TMEFF1: variants seen among roughly 807,000 people sequenced by gnomAD.
TMEFF1 encodes the protein tomoregulin-1.
A neutral mutation model predicts 47.5 loss-of-function variants in TMEFF1; 20 were observed. The observed-to-expected ratio is 0.42, with a 90% CI of 0.30 to 0.61. TMEFF1 has a LOEUF of 0.61. TMEFF1 is among the 20% of genes least tolerant of loss of function. The pLI is 0.19. For missense variants in TMEFF1, 411 were observed against 471.1 expected, an observed-to-expected ratio of 0.87 and a Z score of 1.18; for synonymous variants, 162 against 166.3, an observed-to-expected ratio of 0.97 and a Z score of 0.20.
At position 100,497,320 on chromosome 9, in the gene TMEFF1, C is replaced by CTTTT. The variant is rs752427622; in HGVS notation, c.197-1424_197-1421dup. ...TCTTGCTTTAAGTTTCCACTCATGT[C>CTTTT]TTTTTTTTTTTTTTTTTTTTTTTTG... is the stretch of plus-strand genomic sequence containing the variant. On this transcript the variant is annotated intron_variant, in intron 1 of 9. Transcript: ENST00000374879. 2.9e-3 allele frequency among the ~76,000 whole-genome samples: 173 copies of CTTTT among 59,432 alleles called. 5 individuals are homozygous for CTTTT. The highest frequency in any genetic ancestry group is 0.014 in the Middle Eastern group (1 of 72). 39.0% of individuals were successfully genotyped at this position (59,432 alleles called of 152,430 possible).
At chr9:100,560,141 T>C (rs1838987365) in intron 7 of TMEFF1, among the ~76,000 whole-genome samples, 1 of 152,196 alleles carries the variant, frequency 6.6e-6, no homozygotes, top group South Asian at 2.1e-4. Context: ...AAAAATTTTA[T>C]TAATACCTTT....
Position 100,550,091 on chromosome 9 carries a change from A to G in TMEFF1, c.710-4A>G, listed in dbSNP as rs761328589. 5 of 1,608,846 alleles carry G rather than the reference A, an allele frequency of 3.1e-6. No homozygotes were observed. In the Admixed American group the frequency reaches 8.5e-5, roughly 27 times the overall value. On this transcript the variant is annotated splice_polypyrimidine_tract_variant and splice_region_variant and intron_variant, in intron 6 of 9. Transcript: ENST00000374879. ...TTTAATTTGAAAACCGTCTTCTCTT[A>G]CAGATACAGATGACACTAGTTTGTT...
intron 6 of TMEFF1, 99 bp from the exon 7 acceptor site, chr9:100,549,996 G>A: frequency 3.6e-6 from 5 of 1,397,932 alleles, no homozygotes; most frequent in South Asian, 1.5e-5. Context: ...AGGGGGCAGA[G>A]GTTAAGAAGA....
At position 100,490,262 on chromosome 9, in the gene TMEFF1, T is replaced by C. The variant is rs545020142; in HGVS notation, c.197-8503T>C. ...GCTTTTGGTTTTGTATCATAAAATA[T>C]TAGGTAAAGTTTCTTTTTCCTCCTC... On this transcript the variant is annotated intron_variant, in intron 1 of 9. Coordinates refer to ENST00000374879, the MANE Select transcript of TMEFF1 (RefSeq NM_003692.5). 5.3e-5 allele frequency among the ~76,000 whole-genome samples: 8 copies of C among 152,332 alleles called. No individual in the cohort carries two copies. In the South Asian group the frequency reaches 1.4e-3, roughly 28 times the overall value.
chr9:100,561,356 T>C, intron 7 of TMEFF1, 41 bp from the exon 8 acceptor site: 1 of 1,591,656 alleles, frequency 6.3e-7, no homozygotes, highest in South Asian at 1.1e-5. Flanking sequence ...TTTTTCAGCT[T>C]GCGTTTCATT....
At chr9:100,506,382 T>C (rs1837861633) in intron 2 of TMEFF1, among the ~76,000 whole-genome samples, 2 of 152,160 alleles carry the variant, frequency 1.3e-5, no homozygotes, top group African/African-American at 4.8e-5. Context: ...TAAATATACT[T>C]TATTTTCTTG....
intron 5 of TMEFF1, among the ~76,000 whole-genome samples, chr9:100,534,943 A>AT (rs1838474351): frequency 6.6e-6 from 1 of 152,100 alleles, no homozygotes; most frequent in Middle Eastern, 3.4e-3. Flanking sequence ...GGTGGGCAAA[A>AT]TTTTTTTGTA....
intron 1 of TMEFF1, among the ~76,000 whole-genome samples, chr9:100,478,413 T>C (rs1432685868): frequency 2.0e-5 from 3 of 152,204 alleles, no homozygotes; most frequent in African/African-American, 7.2e-5. Flanking sequence ...CTCAGCTTCT[T>C]GGGCTCAGGT....
intron 1 of TMEFF1, among the ~76,000 whole-genome samples, chr9:100,482,177 C>G (rs1280617922): frequency 6.6e-6 from 1 of 150,970 alleles, no homozygotes; most frequent in Non-Finnish European, 1.5e-5. Flanking sequence ...TCTTCTTCTT[C>G]TTTTCTTTTC....
At chr9:100,509,402 C>G (rs960595914) in intron 3 of TMEFF1, among the ~76,000 whole-genome samples, 4 of 151,980 alleles carry the variant, frequency 2.6e-5, no homozygotes, top group African/African-American at 9.7e-5. Context: ...ATGTCCTTTG[C>G]CTTATGATTT....
At position 100,567,357 on chromosome 9, in the gene TMEFF1, G is replaced by A. The variant is rs571058205; in HGVS notation, c.900-5161G>A. On this transcript the variant is annotated intron_variant, in intron 8 of 9. Transcript: ENST00000374879. ...TACCCGGATTGCCTTATTTAAAATT[G>A]CAACCCTCCCTTCCTGCAACTTTCC... Among the ~76,000 whole-genome samples the A allele has an allele frequency of 1.8e-4, 28 of 152,254 alleles. No individual in the cohort carries two copies. In the East Asian group the frequency reaches 5.2e-3, roughly 28 times the overall value.
intron 8 of TMEFF1, among the ~76,000 whole-genome samples, chr9:100,569,703 A>G (rs1391662073): frequency 2.0e-5 from 3 of 152,188 alleles, no homozygotes; most frequent in Non-Finnish European, 4.4e-5. Flanking sequence ...TATACATATT[A>G]TGTACATCAT....
At chr9:100,480,264 G>A (rs1247156433) in intron 1 of TMEFF1, among the ~76,000 whole-genome samples, 1 of 152,144 alleles carries the variant, frequency 6.6e-6, no homozygotes, top group Non-Finnish European at 1.5e-5. Flanking sequence ...AGTTCCCACA[G>A]CAAGCACAGA....
intron 5 of TMEFF1, among the ~76,000 whole-genome samples, chr9:100,524,675 A>G (rs948085316): frequency 4.0e-5 from 6 of 151,552 alleles, no homozygotes; most frequent in African/African-American, 1.5e-4. Flanking sequence ...GAGTATGTCA[A>G]TTAACTGAGT....
At chr9:100,481,498 G>A (rs1302376324) in intron 1 of TMEFF1, among the ~76,000 whole-genome samples, 2 of 152,154 alleles carry the variant, frequency 1.3e-5, no homozygotes, top group East Asian at 1.9e-4. Flanking sequence ...GAGTCTTTTC[G>A]AAATACTAAA....
At chr9:100,531,625 G>A (rs867706393) in intron 5 of TMEFF1, among the ~76,000 whole-genome samples, 1 of 152,180 alleles carries the variant, frequency 6.6e-6, no homozygotes, top group East Asian at 1.9e-4. Context: ...ATGCTCATGG[G>A]TAGGAAGAAT....
intron 1 of TMEFF1, among the ~76,000 whole-genome samples, chr9:100,476,594 T>C (rs1239794620): frequency 7.3e-5 from 11 of 151,648 alleles, no homozygotes; most frequent in Admixed American, 7.2e-4. Context: ...GGTTTCACAA[T>C]GTTGGCCAGG....
rs754206502 is a variant in TMEFF1 at position 100,576,505 on chromosome 9, T to A, written c.1059-11T>A. On this transcript the variant is annotated splice_polypyrimidine_tract_variant and intron_variant, in intron 9 of 9. Coordinates refer to ENST00000374879, the MANE Select transcript of TMEFF1 (RefSeq NM_003692.5). Reference sequence around the variant, plus strand: ...CAATATTTTTCTCTCTTTCTTTTTTTAATGCAACAGAAAATGCCCCAAAAA... The same window carrying A: ...CAATATTTTTCTCTCTTTCTTTTTTAAATGCAACAGAAAATGCCCCAAAAA... The A allele has an allele frequency of 3.1e-6, 5 of 1,603,526 alleles. No homozygotes were observed. The highest frequency in any genetic ancestry group is 4.2e-6 in the Non-Finnish European group (5 of 1,177,452).
At chr9:100,516,063 C>T (rs1190037817) in intron 4 of TMEFF1, among the ~76,000 whole-genome samples, 10 of 151,882 alleles carry the variant, frequency 6.6e-5, no homozygotes, top group Admixed American at 6.6e-4. Context: ...GCATAAGAGA[C>T]CTGCATACTT....
Sources: gnomAD v4.1 joint callset for allele counts (sites outside exome capture counted in the v4.1 genomes callset) on GRCh38, gnomAD v4.1.1 for gene constraint, MANE v1.5 for transcripts, NCBI Gene and HGNC (gene_info 2026-07-23, HGNC 2026-07-21) for gene names.